SRPK1: variants seen among roughly 807,000 people sequenced by gnomAD.
SRPK1 encodes SRSF protein kinase 1, also known as SFRS protein kinase 1.
In SRPK1, 52 loss-of-function variants were observed where a neutral mutation model predicts 89.5. That is an observed-to-expected ratio of 0.58 (90% CI 0.46 to 0.73). SRPK1 has a LOEUF of 0.73. Among genes scored for constraint, SRPK1 ranks in the 30% least tolerant of loss-of-function variants. The probability of loss-of-function intolerance (pLI) is 0.00; values close to 1 mark genes in which losing one functional copy is unlikely to be tolerated. For synonymous variants in SRPK1, 255 were observed against 270.2 expected (o/e 0.94, Z 0.55); for missense variants, 603 against 780.6 (o/e 0.77, Z 2.71).
At chr6:35,886,601 TA>T (rs1263823642) in intron 6 of SRPK1, 122 bp downstream of exon 6, 9 of 686,168 alleles carry the variant, frequency 1.3e-5, no homozygotes, top group Non-Finnish European at 1.8e-5. Context: ...AAGTGTACAA[TA>T]AAAGAGGTAA....
Position 35,834,835 on chromosome 6 carries a change from C to T in SRPK1, c.*469G>A, listed in dbSNP as rs1769141079. On this transcript the variant is annotated 3_prime_UTR_variant, in exon 16 of 16. Coordinates refer to ENST00000373825, the MANE Select transcript of SRPK1 (RefSeq NM_003137.5). ...AAACAGTCCAGGAAGATGATGCAGC[C>T]CGGACACAGCAAGTTTAATGTCTCT... 6.6e-6 allele frequency: 1 copy of T among 152,390 alleles called. No individual in the cohort carries two copies. The highest frequency in any genetic ancestry group is 2.4e-5 in the African/African-American group (1 of 41,394). 9.4% of individuals were successfully genotyped at this position (152,390 alleles called of 1,614,324 possible).
intron 2 of SRPK1, among the ~76,000 whole-genome samples, chr6:35,910,863 G>A (rs1451119097): frequency 3.9e-5 from 6 of 152,192 alleles, no homozygotes; most frequent in African/African-American, 1.4e-4. Context: ...TTACTGCATA[G>A]TTTACTGAAT....
Position 35,835,472 on chromosome 6 carries a change from G to A in SRPK1, c.1800C>T (p.Ile600=). 6.2e-7 allele frequency: 1 copy of A among 1,612,790 alleles called. No individual in the cohort carries two copies. Among genetic ancestry groups the A allele is most frequent in the East Asian group, 2.2e-5 (1 of 44,858 alleles). ...FFTKKGDLKH[I]TKLKPWGLFE... is the part of the protein sequence containing the mutation. ...AAAGGCCCCAAGGTTTCAGCTTCGT[G>A]ATATGTTTCAGGTCACCTGCAGTGA... The change falls in exon 16 of 16, where the codon ATC becomes ATT. Residue 600 remains isoleucine, a synonymous_variant. Transcript: ENST00000373825.
chr6:35,845,835 G>A (rs1769415015), intron 13 of SRPK1, among the ~76,000 whole-genome samples: 1 of 152,206 alleles, frequency 6.6e-6, no homozygotes, highest in African/African-American at 2.4e-5. Context: ...CTTCTGCAGA[G>A]ATGCAGGTGT....
At chr6:35,839,530 T>C (rs1361355363) in intron 14 of SRPK1, among the ~76,000 whole-genome samples, 2 of 152,138 alleles carry the variant, frequency 1.3e-5, no homozygotes, top group Non-Finnish European at 2.9e-5. Context: ...AACATCACAG[T>C]ATGAATATGG....
chr6:35,876,358 C>T (rs934739345), intron 6 of SRPK1, among the ~76,000 whole-genome samples: 3 of 152,076 alleles, frequency 2.0e-5, no homozygotes, highest in Admixed American at 6.6e-5. Flanking sequence ...TATGACAGGT[C>T]GGGCATGGTG....
At chr6:35,876,384 C>T (rs1054699727) in intron 6 of SRPK1, among the ~76,000 whole-genome samples, 1 of 152,264 alleles carries the variant, frequency 6.6e-6, no homozygotes, top group Admixed American at 6.5e-5. Context: ...TGCCTGTAAT[C>T]CTAGCACTTT....
intron 2 of SRPK1, among the ~76,000 whole-genome samples, chr6:35,906,086 T>TCA (rs1374715320): frequency 6.6e-6 from 1 of 151,324 alleles, no homozygotes; most frequent in Non-Finnish European, 1.5e-5. Context: ...AGACATACTG[T>TCA]CACACCAGAT....
chr6:35,909,872 C>T (rs1265324360), intron 2 of SRPK1, among the ~76,000 whole-genome samples: 1 of 152,220 alleles, frequency 6.6e-6, no homozygotes, highest in Non-Finnish European at 1.5e-5. Context: ...AGCCATGCTT[C>T]CTGGTAAGCC....
intron 6 of SRPK1, among the ~76,000 whole-genome samples, chr6:35,878,701 G>T (rs1157715272): frequency 1.3e-5 from 2 of 152,062 alleles, no homozygotes; most frequent in Non-Finnish European, 2.9e-5. Flanking sequence ...CCCCTCTTCT[G>T]GCTCAAGTGA....
chr6:35,860,776 G>C (rs1203240679), intron 12 of SRPK1, among the ~76,000 whole-genome samples: 2 of 152,110 alleles, frequency 1.3e-5, no homozygotes, highest in Non-Finnish European at 2.9e-5. Flanking sequence ...CAGGGAGAAA[G>C]GAAGAGTGAG....
intron 2 of SRPK1, chr6:35,919,972 GC>G: frequency 2.4e-6 from 1 of 415,310 alleles, no homozygotes; most frequent in South Asian, 1.7e-5. Flanking sequence ...CCAGGGAAAA[GC>G]CCCATGCCCT....
In SRPK1 at chr6:35,842,568, G is replaced by T; in HGVS notation, c.1657C>A (p.Pro553Thr). 1 of 1,612,414 alleles carries T rather than the reference G, an allele frequency of 6.2e-7. No homozygotes were observed. Among genetic ancestry groups the T allele is most frequent in the Non-Finnish European group, 8.5e-7 (1 of 1,179,310 alleles). ...ELATGDYLFE[P>T]HSGEEYTRDE... is the part of the protein sequence containing the mutation. ...CGAGTGTACTCTTCCCCTGAATGAG[G>T]TTCAAACAAATAGTCACCTGTGGCC... The change falls in exon 14 of 16, where the codon CCT becomes ACT. Residue 553 changes from proline (P) to threonine (T), a missense_variant. Coordinates refer to ENST00000373825, the MANE Select transcript of SRPK1 (RefSeq NM_003137.5).
chr6:35,848,900 CAG>C (rs979116686), intron 13 of SRPK1, among the ~76,000 whole-genome samples: 3 of 152,108 alleles, frequency 2.0e-5, no homozygotes, highest in African/African-American at 4.8e-5. Flanking sequence ...CCAGAAGAAA[CAG>C]GGGGAAACCC....
Position 35,886,783 on chromosome 6 carries a change from T to C in SRPK1, c.419A>G (p.Asn140Ser), listed in dbSNP as rs1770417967. Residue 140 changes from asparagine (N) to serine (S), a missense_variant, in exon 6 of 16, where the codon AAT (asparagine) becomes AGT (serine). Asn to Ser is a conservative substitution (Grantham distance 46). Coordinates refer to ENST00000373825, the MANE Select transcript of SRPK1 (RefSeq NM_003137.5). Reference sequence around the variant, plus strand: ...TAGTAGTTGAACAACCATTTCTCTATTTGGATCATTAGGGTCTGAATTGCG... The same window carrying C: ...TAGTAGTTGAACAACCATTTCTCTACTTGGATCATTAGGGTCTGAATTGCG... ...SVRNSDPNDPNREMVVQLLDD... is the reference protein window; with the variant it reads ...SVRNSDPNDPSREMVVQLLDD... 1 of 1,611,286 alleles carries C rather than the reference T, an allele frequency of 6.2e-7. No homozygotes were observed. The highest frequency in any genetic ancestry group is 2.2e-5 in the East Asian group (1 of 44,834).
chr6:35,868,607 T>C (rs1237354992), intron 12 of SRPK1, among the ~76,000 whole-genome samples: 1 of 152,222 alleles, frequency 6.6e-6, no homozygotes, highest in East Asian at 1.9e-4. Context: ...GTCCAAAATA[T>C]GTTAAGTGAA....
At chr6:35,915,803 T>C (rs1034988660) in intron 2 of SRPK1, among the ~76,000 whole-genome samples, 3 of 151,608 alleles carry the variant, frequency 2.0e-5, no homozygotes, top group South Asian at 2.1e-4. Context: ...AAATCCCGTC[T>C]CTACTAAAAA....
chr6:35,887,470 G>A (rs981648445), intron 5 of SRPK1, among the ~76,000 whole-genome samples: 1 of 152,120 alleles, frequency 6.6e-6, no homozygotes, highest in Non-Finnish European at 1.5e-5. Flanking sequence ...AGGACATACC[G>A]GGGTAAAGGC....
At chr6:35,895,786 G>T (rs1205565978) in intron 2 of SRPK1, 1 of 152,272 alleles carries the variant, frequency 6.6e-6, no homozygotes, top group South Asian at 2.1e-4. Context: ...AGTCTATTAG[G>T]TCGTACTCTT....
Sources: gnomAD v4.1 joint callset for allele counts (sites outside exome capture counted in the v4.1 genomes callset) on GRCh38, gnomAD v4.1.1 for gene constraint, MANE v1.5 for transcripts, NCBI Gene and HGNC (gene_info 2026-07-23, HGNC 2026-07-21) for gene names.